The following AK5 variants were observed in gnomAD, a reference collection of about 807,000 sequenced individuals.
The protein encoded by AK5 is adenylate kinase isoenzyme 5.
In AK5, 27 loss-of-function variants were observed where a neutral mutation model predicts 69.5. That is an observed-to-expected ratio of 0.39 (90% CI 0.29 to 0.54). The LOEUF is 0.54. Ranked by LOEUF, AK5 falls within the 20% of genes least tolerant of loss-of-function variation. AK5 has a pLI of 0.71. For missense variants in AK5, 531 were observed against 700.4 expected (o/e 0.76, Z 2.73); for synonymous variants, 260 against 244.4 (o/e 1.06, Z -0.60).
intron 11 of AK5, among the ~76,000 whole-genome samples, 155 bp downstream of exon 11, chr1:77,518,882 G>A (rs1043165695): frequency 6.6e-6 from 1 of 152,116 alleles, no homozygotes; most frequent in Non-Finnish European, 1.5e-5. Context: ...ATGCAGGCAG[G>A]TCTACAGCAG....
At chr1:77,532,005 G>A (rs111552557) in intron 12 of AK5, 5,498 of 151,196 alleles carry the variant, frequency 0.036, 218 homozygotes, top group South Asian at 0.11. Flanking sequence ...CGGCCGGCCG[G>A]CCGCTCCGAG....
At chr1:77,284,868 C>G (rs1462947830) in intron 1 of AK5, among the ~76,000 whole-genome samples, 1 of 152,136 alleles carries the variant, frequency 6.6e-6, no homozygotes, top group East Asian at 1.9e-4. Context: ...TTTGGTGAAC[C>G]AGTATTGTTT....
chr1:77,395,711 C>T (rs2100537182), intron 6 of AK5, among the ~76,000 whole-genome samples: 1 of 152,240 alleles, frequency 6.6e-6, no homozygotes, highest in Middle Eastern at 3.4e-3. Flanking sequence ...CATAACTAAA[C>T]AAAACATAAC....
intron 13 of AK5, among the ~76,000 whole-genome samples, chr1:77,538,404 C>T (rs1659090095): frequency 1.3e-5 from 2 of 150,222 alleles, no homozygotes; most frequent in Admixed American, 6.7e-5. Context: ...TATATAAGAG[C>T]AATGTCTTAA....
chr1:77,357,810 C>T (rs1451285451), intron 6 of AK5, among the ~76,000 whole-genome samples: 8 of 152,154 alleles, frequency 5.3e-5, no homozygotes, highest in South Asian at 2.1e-4. Context: ...GGCAGTTGCA[C>T]GCCATGTTAT....
At position 77,505,005 on chromosome 1, in the gene AK5, C is replaced by T. The variant is rs182046107; in HGVS notation, c.1148-13559C>T. On this transcript the variant is annotated intron_variant, in intron 10 of 13. Coordinates refer to ENST00000354567, the MANE Select transcript of AK5 (RefSeq NM_174858.3). ...CTAAAACAGTGATTTTTTTCTCTTA[C>T]GGTAAAATTCACAGATATGAATTAA... is the stretch of plus-strand genomic sequence containing the variant. 2.5e-3 allele frequency among the ~76,000 whole-genome samples: 384 copies of T among 152,196 alleles called. 3 individuals are homozygous for T. The highest frequency in any genetic ancestry group is 0.016 in the South Asian group (79 of 4,820).
intron 6 of AK5, among the ~76,000 whole-genome samples, chr1:77,394,689 C>T (rs1648718250): frequency 6.6e-6 from 1 of 152,120 alleles, no homozygotes; most frequent in South Asian, 2.1e-4. Context: ...ATGTCACTTT[C>T]TCACTCATCT....
intron 8 of AK5, among the ~76,000 whole-genome samples, chr1:77,440,064 C>T (rs1186576944): frequency 6.6e-6 from 1 of 151,860 alleles, no homozygotes; most frequent in Non-Finnish European, 1.5e-5. Context: ...GTATCTATTC[C>T]ACCAGTGAGT....
intron 2 of AK5, among the ~76,000 whole-genome samples, chr1:77,292,094 G>C (rs967998854): frequency 3.9e-5 from 6 of 152,190 alleles, no homozygotes. Flanking sequence ...GGGAAGAGTT[G>C]TGATAGTAGA....
chr1:77,373,025 T>C (rs1167822110), intron 6 of AK5, among the ~76,000 whole-genome samples: 1 of 152,236 alleles, frequency 6.6e-6, no homozygotes, highest in Non-Finnish European at 1.5e-5. Flanking sequence ...TTTGCTTTCT[T>C]TATGTCCACA....
chr1:77,297,836 A>G lies in AK5; in HGVS notation c.588A>G (p.Glu196=), dbSNP rs757318367. Residue 196 remains glutamate (E), a splice_region_variant and synonymous_variant, in exon 5 of 14, where the codon GAA becomes GAG. Transcript: ENST00000354567. ...GTCATCCTTTCTGTTTATAAAAGGAAACAACAATTACAGAGATAAAACAAA... is the reference window on the plus strand; with the variant it reads ...GTCATCCTTTCTGTTTATAAAAGGAGACAACAATTACAGAGATAAAACAAA... The part of the protein sequence containing the change: ...IITTGELAPQ[E]TTITEIKQKL... 2.5e-6 allele frequency: 4 copies of G among 1,608,670 alleles called. No individual in the cohort carries two copies. The South Asian group carries it at 3.4e-5, about 13-fold the overall frequency.
chr1:77,416,883 A>C (rs1457121100), intron 7 of AK5, among the ~76,000 whole-genome samples: 1 of 152,188 alleles, frequency 6.6e-6, no homozygotes, highest in Non-Finnish European at 1.5e-5. Context: ...CTTTCTGGGT[A>C]GTTAGATGAT....
At chr1:77,295,298 A>G (rs1481116409) in intron 3 of AK5, among the ~76,000 whole-genome samples, 1 of 152,236 alleles carries the variant, frequency 6.6e-6, no homozygotes, top group Non-Finnish European at 1.5e-5. Context: ...AAAGCATGCA[A>G]ATAAACACAC....
intron 6 of AK5, among the ~76,000 whole-genome samples, chr1:77,356,147 A>G (rs1662515552): frequency 6.6e-6 from 1 of 152,184 alleles, no homozygotes; most frequent in Admixed American, 6.6e-5. Context: ...TTTTGCTTCT[A>G]CACTCGCATA....
chr1:77,325,812 T>C (rs989950761), intron 5 of AK5, among the ~76,000 whole-genome samples: 1 of 151,988 alleles, frequency 6.6e-6, no homozygotes, highest in Non-Finnish European at 1.5e-5. Flanking sequence ...AAATGTTTGT[T>C]GAACTGAAGT....
rs1465108649 is a variant in AK5 at position 77,309,584 on chromosome 1, AT to A, written c.699+11641del. On this transcript the variant is annotated intron_variant, in intron 5 of 13. Coordinates refer to ENST00000354567, the MANE Select transcript of AK5 (RefSeq NM_174858.3). Reference sequence around the variant, plus strand: ...ATGTTACACTCTATAAATACATTATATTTTATTAGTGAACTTTCATGTTGCT... The same window carrying A: ...ATGTTACACTCTATAAATACATTATATTTATTAGTGAACTTTCATGTTGCT... Among the ~76,000 whole-genome samples the A allele has an allele frequency of 2.6e-5, 4 of 152,156 alleles. 1 individual carries two copies. Among genetic ancestry groups the A allele is most frequent in the Admixed American group, 1.3e-4 (2 of 15,288 alleles).
chr1:77,342,863 C>T (rs1661727630), intron 6 of AK5, among the ~76,000 whole-genome samples: 1 of 151,704 alleles, frequency 6.6e-6, no homozygotes, highest in African/African-American at 2.4e-5. Flanking sequence ...CCACCTGCCC[C>T]TCCTGATTCA....
chr1:77,329,506 C>T (rs1407070782), intron 5 of AK5, among the ~76,000 whole-genome samples: 1 of 152,080 alleles, frequency 6.6e-6, no homozygotes, highest in Non-Finnish European at 1.5e-5. Context: ...ACTGATCATT[C>T]CACCTCATCC....
At chr1:77,457,398 A>G (rs181173065) in intron 8 of AK5, among the ~76,000 whole-genome samples, 55 of 152,264 alleles carry the variant, frequency 3.6e-4, no homozygotes, top group African/African-American at 1.3e-3. Context: ...GGCTTTCAGA[A>G]TTGATTCTCT....
Sources: gnomAD v4.1 joint callset for allele counts (sites outside exome capture counted in the v4.1 genomes callset) on GRCh38, gnomAD v4.1.1 for gene constraint, MANE v1.5 for transcripts, NCBI Gene and HGNC (gene_info 2026-07-23, HGNC 2026-07-21) for gene names.